PMM2: variants seen among roughly 807,000 people sequenced by gnomAD.
PMM2 encodes mannose-6-phosphate isomerase.
Under a neutral mutation model 33.2 loss-of-function variants are expected in PMM2, and 35 were observed. The observed-to-expected ratio is 1.06, with a 90% CI of 0.81 to 1.40. The LOEUF is 1.40. PMM2 is among the 40% of genes most tolerant of loss of function. The pLI is 0.00. For synonymous variants in PMM2, 153 were observed against 114.7 expected (o/e 1.33, Z -2.13); for missense variants, 386 against 306.0 (o/e 1.26, Z -1.95).
intron 7 of PMM2, among the ~76,000 whole-genome samples, chr16:8,821,905 G>C (rs1484311194): frequency 5.3e-5 from 8 of 152,234 alleles, no homozygotes; most frequent in African/African-American, 1.7e-4. Flanking sequence ...AGCCACTACT[G>C]CTCTACGCCA....
rs1013484253 is a variant in PMM2, at chr16:8,847,542, T to G, written c.640-182T>G. 9 of 613,100 alleles carry G rather than the reference T, an allele frequency of 1.5e-5. No individual in the cohort carries two copies. The Admixed American group carries it at 2.3e-4, about 15-fold the overall frequency. 38.0% of individuals were successfully genotyped at this position (613,100 alleles called of 1,614,324 possible). A position where few individuals can be genotyped will look rare whatever the true frequency, so the allele number is the denominator to read the frequency against. ...TTGCAGTTCAAGAGAAGGTTATAAA[T>G]CTCTTCTTAATAACAATTGTACTCA... is the stretch of plus-strand genomic sequence containing the variant. On this transcript the variant is annotated intron_variant, in intron 7 of 7. Coordinates refer to ENST00000268261, the MANE Select transcript of PMM2 (RefSeq NM_000303.3).
chr16:8,807,576 C>T (rs1478237121), intron 4 of PMM2: 1 of 152,338 alleles, frequency 6.6e-6, no homozygotes. Flanking sequence ...CTCACTGCAG[C>T]CTCAACCTCC....
intron 7 of PMM2, among the ~76,000 whole-genome samples, chr16:8,844,329 A>AGG (rs1313213149): frequency 1.3e-4 from 20 of 150,490 alleles, no homozygotes; most frequent in Non-Finnish European, 2.8e-4. Context: ...AGAGACATGG[A>AGG]GGGAAGGGGT....
intron 7 of PMM2, among the ~76,000 whole-genome samples, chr16:8,837,021 C>G (rs1353243085): frequency 6.6e-6 from 1 of 151,810 alleles, no homozygotes; most frequent in Admixed American, 6.6e-5. Flanking sequence ...GGTGGAGGAG[C>G]GGAGGCTGAG....
At chr16:8,824,535 A>G (rs544289673) in intron 7 of PMM2, among the ~76,000 whole-genome samples, 118 of 152,366 alleles carry the variant, frequency 7.7e-4, no homozygotes, top group African/African-American at 2.6e-3. Flanking sequence ...ACACATACTA[A>G]TAACATAGTT....
chr16:8,815,572 A>T (rs1395761913), intron 7 of PMM2, among the ~76,000 whole-genome samples: 1 of 124,790 alleles, frequency 8.0e-6, no homozygotes. Context: ...CTGTCAGTAG[A>T]CACATGAGTT....
intron 7 of PMM2, among the ~76,000 whole-genome samples, chr16:8,830,289 C>G (rs1385617094): frequency 6.6e-6 from 1 of 152,172 alleles, no homozygotes; most frequent in Admixed American, 6.5e-5. Flanking sequence ...AAATTTGTAA[C>G]CCCCTCCACA....
At chr16:8,811,817 G>T (rs1011681577) in intron 6 of PMM2, 104 bp downstream of exon 6, 16 of 821,570 alleles carry the variant, frequency 1.9e-5, no homozygotes, top group Non-Finnish European at 2.8e-5. Flanking sequence ...TTTTAGGTGG[G>T]CAGGAAGATT....
At chr16:8,803,305 T>A (rs1167961652) in intron 2 of PMM2, among the ~76,000 whole-genome samples, 1 of 152,130 alleles carries the variant, frequency 6.6e-6, no homozygotes, top group Non-Finnish European at 1.5e-5. Context: ...TTAGAAATGC[T>A]ATAAACCGCA....
intron 7 of PMM2, among the ~76,000 whole-genome samples, chr16:8,816,052 G>A (rs115737334): frequency 1.3e-5 from 2 of 152,060 alleles, no homozygotes; most frequent in African/African-American, 4.8e-5. Flanking sequence ...ATAAAAAAAG[G>A]CTCAACATCA....
At chr16:8,812,439 G>A (rs956114084) in intron 6 of PMM2, among the ~76,000 whole-genome samples, 5 of 152,220 alleles carry the variant, frequency 3.3e-5, no homozygotes, top group African/African-American at 1.2e-4. Flanking sequence ...AACTGGAATG[G>A]CAAAGGGATT....
intron 2 of PMM2, 189 bp downstream of exon 2, chr16:8,802,099 G>A (rs575836822): frequency 1.7e-6 from 1 of 581,634 alleles, no homozygotes. Context: ...TGGAGTTACT[G>A]ATGGAGAACT....
At chr16:8,835,664 G>A (rs942645275) in intron 7 of PMM2, among the ~76,000 whole-genome samples, 2 of 152,020 alleles carry the variant, frequency 1.3e-5, no homozygotes, top group Admixed American at 1.3e-4. Flanking sequence ...TTTAGGACAG[G>A]TAAAATGGGG....
chr16:8,832,602 C>T, intron 7 of PMM2: 1 of 985,412 alleles, frequency 1.0e-6, no homozygotes, highest in South Asian at 4.7e-5. Flanking sequence ...AGGTAATGGC[C>T]TCTGTCCTCT....
intron 2 of PMM2, among the ~76,000 whole-genome samples, chr16:8,802,730 C>T (rs909382074): frequency 2.0e-5 from 3 of 151,522 alleles, no homozygotes; most frequent in Admixed American, 6.6e-5. Context: ...CTCAGGAGGC[C>T]GAGGCAGGAG....
At chr16:8,798,107 G>A (rs1395747820) in intron 1 of PMM2, among the ~76,000 whole-genome samples, 159 bp downstream of exon 1, 3 of 152,256 alleles carry the variant, frequency 2.0e-5, no homozygotes, top group Non-Finnish European at 4.4e-5. Context: ...AGGAATGAGA[G>A]GGAGGCCCTA....
chr16:8,845,852 C>T (rs905626443), intron 7 of PMM2, among the ~76,000 whole-genome samples: 1 of 149,860 alleles, frequency 6.7e-6, no homozygotes, highest in Admixed American at 6.7e-5. Flanking sequence ...CACTGTTGGA[C>T]ACAGTCTTTG....
intron 7 of PMM2, among the ~76,000 whole-genome samples, chr16:8,815,218 CTT>C (rs59339190): frequency 2.9e-5 from 4 of 138,472 alleles, no homozygotes; most frequent in African/African-American, 5.3e-5. Flanking sequence ...TATTTTCTTT[CTT>C]TTTTTTTTTT....
chr16:8,815,020 C>T (rs929716872), intron 7 of PMM2, among the ~76,000 whole-genome samples: 5 of 152,108 alleles, frequency 3.3e-5, no homozygotes, highest in African/African-American at 7.2e-5. Context: ...TGGCAACCAC[C>T]GTTCTTTTCT....
Sources: allele counts gnomAD v4.1 joint callset (sites outside exome capture counted in the v4.1 genomes callset), GRCh38; gene constraint gnomAD v4.1.1; transcripts MANE v1.5; gene names NCBI Gene and HGNC (gene_info 2026-07-23, HGNC 2026-07-21).